The following TNR variants were observed in gnomAD, a reference collection of about 807,000 sequenced individuals.
TNR encodes tenascin R, also known as tenascin-R.
Under a neutral mutation model 150.4 loss-of-function variants are expected in TNR, and 45 were observed. The observed-to-expected ratio is 0.30, with a 90% CI of 0.24 to 0.38. The LOEUF (loss-of-function observed/expected upper bound fraction) is 0.38. Ranked by LOEUF, TNR falls within the 10% of genes least tolerant of loss-of-function variation. The probability of loss-of-function intolerance (pLI) is 1.00; values close to 1 mark genes in which losing one functional copy is unlikely to be tolerated. For missense variants in TNR, 1,544 were observed against 1,759.1 expected, an observed-to-expected ratio of 0.88 and a Z score of 2.19; for synonymous variants, 687 against 678.4, an observed-to-expected ratio of 1.01 and a Z score of -0.20.
At chr1:175,736,317 C>T (rs561212037) in intron 1 of TNR, among the ~76,000 whole-genome samples, 2 of 151,930 alleles carry the variant, frequency 1.3e-5, no homozygotes, top group African/African-American at 2.4e-5. Flanking sequence ...GTCAGGATAT[C>T]GAGACCATCC....
intron 2 of TNR, among the ~76,000 whole-genome samples, chr1:175,422,498 G>A (rs1654793592): frequency 6.6e-6 from 1 of 152,182 alleles, no homozygotes; most frequent in Admixed American, 6.5e-5. Flanking sequence ...TCTCTGCAGT[G>A]CTATCTGGGA....
chr1:175,696,776 G>A (rs377700406), intron 1 of TNR, among the ~76,000 whole-genome samples: 8 of 152,076 alleles, frequency 5.3e-5, no homozygotes, highest in Admixed American at 3.3e-4. Flanking sequence ...CTACTCAGGA[G>A]GCTGAGGGAG....
intron 1 of TNR, among the ~76,000 whole-genome samples, chr1:175,650,918 C>CCTTCCCCACCTCATTACTACT (rs1664958766): frequency 2.2e-4 from 1 of 4,642 alleles, no homozygotes; most frequent in Admixed American, 2.1e-3. Flanking sequence ...TCATTACTAC[C>CCTTCCCCACCTCATTACTACT]CCTCCCCACC....
At chr1:175,410,565 A>G (rs1316538821) in intron 2 of TNR, among the ~76,000 whole-genome samples, 1 of 152,176 alleles carries the variant, frequency 6.6e-6, no homozygotes, top group African/African-American at 2.4e-5. Context: ...GTCGTTTGCC[A>G]AATATTTCTG....
intron 18 of TNR, among the ~76,000 whole-genome samples, chr1:175,348,195 C>T (rs1650889781): frequency 1.3e-5 from 2 of 151,972 alleles, no homozygotes; most frequent in African/African-American, 4.8e-5. Context: ...TAGCCAAGAA[C>T]ATATAGAATG....
intron 20 of TNR, among the ~76,000 whole-genome samples, chr1:175,331,986 G>C (rs1011585380): frequency 6.6e-6 from 1 of 152,174 alleles, no homozygotes; most frequent in African/African-American, 2.4e-5. Flanking sequence ...CTGAGTTGCT[G>C]ACCCACAACT....
At chr1:175,444,805 CA>C (rs1655961760) in intron 2 of TNR, among the ~76,000 whole-genome samples, 1 of 152,118 alleles carries the variant, frequency 6.6e-6, no homozygotes, top group Non-Finnish European at 1.5e-5. Flanking sequence ...GGTGATGTTT[CA>C]TCCGGGACCT....
At chr1:175,395,662 A>G (rs1031135753) in intron 5 of TNR, among the ~76,000 whole-genome samples, 1 of 152,214 alleles carries the variant, frequency 6.6e-6, no homozygotes, top group Non-Finnish European at 1.5e-5. Flanking sequence ...TCTCTTGCCT[A>G]AATTATTCTG....
intron 13 of TNR, 28 bp downstream of exon 13, chr1:175,363,680 T>A (rs1275259345): frequency 1.9e-6 from 3 of 1,609,456 alleles, no homozygotes; most frequent in Admixed American, 3.4e-5. Context: ...AATCCTAGTA[T>A]CTTTGAGAAA....
chr1:175,496,954 G>A (rs998997197), intron 2 of TNR, among the ~76,000 whole-genome samples: 6 of 152,176 alleles, frequency 3.9e-5, no homozygotes, highest in African/African-American at 7.2e-5. Flanking sequence ...GCTCTCTGCT[G>A]CCTTTCCCCC....
chr1:175,390,268 T>C (rs1030783250), intron 7 of TNR, among the ~76,000 whole-genome samples: 6 of 152,236 alleles, frequency 3.9e-5, no homozygotes, highest in Admixed American at 2.6e-4. Flanking sequence ...TCATCTCTGG[T>C]CAACTCAGCC....
At chr1:175,675,894 C>T (rs1181143694) in intron 1 of TNR, among the ~76,000 whole-genome samples, 1 of 152,042 alleles carries the variant, frequency 6.6e-6, no homozygotes, top group Admixed American at 6.6e-5. Flanking sequence ...TGAAAGATGC[C>T]CTGGAAACAC....
intron 2 of TNR, among the ~76,000 whole-genome samples, chr1:175,488,664 G>A (rs1048848695): frequency 5.3e-5 from 8 of 152,300 alleles, no homozygotes; most frequent in African/African-American, 1.7e-4. Flanking sequence ...ACTGAATATT[G>A]ATCCCCAGCT....
In TNR at chr1:175,487,701, C is replaced by G. The variant is rs139439974; in HGVS notation, c.-64+40568G>C. On this transcript the variant is annotated intron_variant, in intron 2 of 22. Transcript: ENST00000367674. ...CCTCATCTGAAAATGGGGATAATCACAGTACCCACCACCAAAGACTTCGTA... is the reference window on the plus strand; with the variant it reads ...CCTCATCTGAAAATGGGGATAATCAGAGTACCCACCACCAAAGACTTCGTA... 2.0e-5 allele frequency among the ~76,000 whole-genome samples: 3 copies of G among 152,320 alleles called. No individual in the cohort carries two copies. In the East Asian group the frequency reaches 5.8e-4, roughly 29 times the overall value.
At position 175,378,041 on chromosome 1, in the gene TNR, C is replaced by T. The variant is rs560235397; in HGVS notation, c.1963+1511G>A. The stretch of plus-strand genomic sequence containing the variant: ...CTTCCCAGCCAGGTATCATGGTGAC[C>T]GAGGACACTGCCTTAGTCCATGCCA... On this transcript the variant is annotated intron_variant, in intron 9 of 22. Transcript: ENST00000367674. Among the ~76,000 whole-genome samples the T allele has an allele frequency of 9.1e-4, 139 of 152,224 alleles. 4 individuals carry two copies. In the South Asian group the frequency reaches 0.027, roughly 30 times the overall value.
In TNR at chr1:175,406,205, C is replaced by G. The variant is rs1182970064; in HGVS notation, c.499+11G>C. 6.2e-7 allele frequency: 1 copy of G among 1,611,506 alleles called. No individual in the cohort carries two copies. The highest frequency in any genetic ancestry group is 8.5e-7 in the Non-Finnish European group (1 of 1,178,584). On this transcript the variant is annotated intron_variant, in intron 3 of 22. Coordinates refer to ENST00000367674, the MANE Select transcript of TNR (RefSeq NM_003285.3). ...CCTCCTGAGACCACGCTGCGAGCTC[C>G]CGGACTCTACCTGTGGCAGCACTTT...
intron 2 of TNR, among the ~76,000 whole-genome samples, chr1:175,420,624 C>T (rs1654707715): frequency 6.6e-6 from 1 of 152,156 alleles, no homozygotes; most frequent in African/African-American, 2.4e-5. Flanking sequence ...TAAAATGAGT[C>T]AGAATAACAG....
chr1:175,381,835 C>T (rs1652694225), intron 8 of TNR, among the ~76,000 whole-genome samples: 1 of 152,248 alleles, frequency 6.6e-6, no homozygotes, highest in South Asian at 2.1e-4. Context: ...CTGAGTGATC[C>T]GGCCCTGCCT....
intron 1 of TNR, among the ~76,000 whole-genome samples, chr1:175,621,181 C>A (rs115839402): frequency 2.4e-3 from 365 of 152,306 alleles, no homozygotes; most frequent in African/African-American, 8.2e-3. Flanking sequence ...TGTATTGTGA[C>A]CAACTGATGG....
Sources: gnomAD v4.1 joint callset for allele counts (sites outside exome capture counted in the v4.1 genomes callset) on GRCh38, gnomAD v4.1.1 for gene constraint, MANE v1.5 for transcripts, NCBI Gene and HGNC (gene_info 2026-07-23, HGNC 2026-07-21) for gene names.